ANK3: variants seen among roughly 807,000 people sequenced by gnomAD.
The protein encoded by ANK3 is ankyrin-3.
In ANK3, 57 loss-of-function variants were observed where a neutral mutation model predicts 370.9. The ratio of observed to expected loss-of-function variants is 0.15; its 90% CI spans 0.12 to 0.19. The LOEUF (loss-of-function observed/expected upper bound fraction) is 0.19. ANK3 is among the 10% of genes least tolerant of loss of function. The probability of loss-of-function intolerance (pLI) is 1.00; values close to 1 mark genes in which losing one functional copy is unlikely to be tolerated. For missense variants in ANK3, 4,439 were observed against 5,302.1 expected, an observed-to-expected ratio of 0.84 and a Z score of 5.06; for synonymous variants, 1,929 against 1,946.3, an observed-to-expected ratio of 0.99 and a Z score of 0.23.
At chr10:60,333,773 A>T (rs1313491999) in intron 1 of ANK3, among the ~76,000 whole-genome samples, 1 of 152,176 alleles carries the variant, frequency 6.6e-6, no homozygotes, top group East Asian at 1.9e-4. Context: ...ACAGTGTAAA[A>T]GTGTTCCTAT....
intron 1 of ANK3, among the ~76,000 whole-genome samples, chr10:60,648,210 T>A (rs1588969410): frequency 7.1e-6 from 1 of 140,914 alleles, no homozygotes; most frequent in Admixed American, 7.5e-5. Flanking sequence ...TGGAGTGCCA[T>A]GGCACCATCT....
chr10:60,405,122 T>G (rs2132913314), intron 2 of ANK3, among the ~76,000 whole-genome samples: 1 of 152,322 alleles, frequency 6.6e-6, no homozygotes, highest in South Asian at 2.1e-4. Context: ...TTTGGCAGTT[T>G]CTTATAAAAT....
intron 16 of ANK3, among the ~76,000 whole-genome samples, chr10:60,191,147 A>C (rs146604237): frequency 6.6e-6 from 1 of 152,218 alleles, no homozygotes. Flanking sequence ...AGAAACCATA[A>C]GAAAAACTCT....
intron 23 of ANK3, among the ~76,000 whole-genome samples, chr10:60,153,046 G>T (rs2095204708): frequency 6.6e-6 from 1 of 152,176 alleles, no homozygotes; most frequent in Non-Finnish European, 1.5e-5. Context: ...TGTAACAACA[G>T]TTCAAACTTG....
chr10:60,116,219 C>T (rs1292740135), intron 25 of ANK3, among the ~76,000 whole-genome samples: 2 of 152,082 alleles, frequency 1.3e-5, no homozygotes, highest in African/African-American at 4.8e-5. Flanking sequence ...CAGAATCGCA[C>T]CCTTCCTTTA....
chr10:60,360,868 T>C (rs945988851), intron 1 of ANK3, among the ~76,000 whole-genome samples: 68 of 152,110 alleles, frequency 4.5e-4, no homozygotes, highest in Admixed American at 1.6e-3. Context: ...AACAATTATA[T>C]TTCTTGATTT....
intron 2 of ANK3, among the ~76,000 whole-genome samples, chr10:60,424,363 C>G (rs950233169): frequency 6.6e-6 from 1 of 151,912 alleles, no homozygotes; most frequent in African/African-American, 2.4e-5. Context: ...AAAAAAATAC[C>G]AATCAAGTCT....
At position 60,279,634 on chromosome 10, in the gene ANK3, A is replaced by C. The variant is rs1199746614; in HGVS notation, c.120T>G (p.Asp40Glu). The change falls in exon 2 of 44, where the codon GAT becomes GAG. Residue 40 changes from aspartate to glutamate, a missense_variant. This residue lies in a region of ANK3 where 54 missense variants were observed against 52.7 expected (regional missense o/e 1.02). Transcript: ENST00000280772. ...KRSRDRKKKS[D>E]ANASYLRAAR... The stretch of plus-strand genomic sequence containing the variant: ...CTGCTCTTAAGTAACTTGCATTGGC[A>C]TCAGACTAAAATAAAAAAGAAACAC... 6.2e-7 allele frequency: 1 copy of C among 1,610,002 alleles called. No homozygotes were observed.
rs540440633 is a variant in ANK3, at chr10:60,661,501, C to T, written c.58-46277G>A. On this transcript the variant is annotated intron_variant, in intron 1 of 43. Coordinates refer to the ANK3 transcript ENST00000373827. ...GCCCTTCTAGTTTCCTTTTCTTTAGCCTATACAAACTTCATTGTTTTTACC... is the reference window on the plus strand; with the variant it reads ...GCCCTTCTAGTTTCCTTTTCTTTAGTCTATACAAACTTCATTGTTTTTACC... Among the ~76,000 whole-genome samples, 7 of 152,212 alleles carry T rather than the reference C, an allele frequency of 4.6e-5. No individual in the cohort carries two copies. The South Asian group carries it at 6.2e-4, about 14-fold the overall frequency.
At chr10:60,553,404 A>G (rs1294819243) in intron 2 of ANK3, among the ~76,000 whole-genome samples, 1 of 152,192 alleles carries the variant, frequency 6.6e-6, no homozygotes, top group Non-Finnish European at 1.5e-5. Context: ...AGGGATCCAG[A>G]AAATATTAAT....
intron 23 of ANK3, among the ~76,000 whole-genome samples, chr10:60,141,187 C>T (rs759787404): frequency 9.2e-5 from 14 of 152,244 alleles, no homozygotes; most frequent in Middle Eastern, 3.4e-3. Context: ...ATTGCCGCTG[C>T]TTTTTATCAG....
intron 1 of ANK3, among the ~76,000 whole-genome samples, chr10:60,690,838 C>T (rs1313106391): frequency 6.6e-6 from 1 of 152,152 alleles, no homozygotes; most frequent in Non-Finnish European, 1.5e-5. Context: ...AGCTTTGGGG[C>T]TACAGCATCG....
intron 1 of ANK3, among the ~76,000 whole-genome samples, chr10:60,369,141 G>T (rs1430700574): frequency 6.6e-6 from 1 of 152,038 alleles, no homozygotes; most frequent in African/African-American, 2.4e-5. Flanking sequence ...CAAGATCTAA[G>T]CACAGAGTTC....
chr10:60,256,739 T>C (rs1017098927), intron 7 of ANK3, among the ~76,000 whole-genome samples: 2 of 152,198 alleles, frequency 1.3e-5, no homozygotes, highest in Non-Finnish European at 2.9e-5. Flanking sequence ...TTCCTGTTCC[T>C]GCATTAATTT....
chr10:60,446,714 C>A (rs1395049176), intron 2 of ANK3, among the ~76,000 whole-genome samples: 1 of 152,132 alleles, frequency 6.6e-6, no homozygotes, highest in East Asian at 1.9e-4. Flanking sequence ...GGAGCTCCAA[C>A]TTAAAAAGTT....
intron 2 of ANK3, among the ~76,000 whole-genome samples, chr10:60,524,160 C>G (rs1021538992): frequency 1.3e-5 from 2 of 152,112 alleles, no homozygotes; most frequent in Non-Finnish European, 2.9e-5. Context: ...GAGTTACAGA[C>G]TCCTGATAAT....
intron 2 of ANK3, among the ~76,000 whole-genome samples, chr10:60,611,438 G>A (rs1406665360): frequency 1.3e-5 from 2 of 152,158 alleles, no homozygotes; most frequent in Non-Finnish European, 2.9e-5. Context: ...GCCTCGCACT[G>A]GAATAGTGGT....
chr10:60,209,229 A>G (rs781077383), intron 9 of ANK3, among the ~76,000 whole-genome samples: 15 of 152,218 alleles, frequency 9.9e-5, no homozygotes, highest in African/African-American at 3.4e-4. Context: ...ATTAGGGAAA[A>G]GTAATTTGAC....
intron 2 of ANK3, among the ~76,000 whole-genome samples, chr10:60,608,589 G>C (rs962912517): frequency 5.3e-5 from 8 of 152,168 alleles, no homozygotes; most frequent in African/African-American, 1.9e-4. Flanking sequence ...AGGCATCTGA[G>C]ACTTTCTAGA....
Sources: gnomAD v4.1 joint callset for allele counts (sites outside exome capture counted in the v4.1 genomes callset) on GRCh38, gnomAD v4.1.1 for gene constraint, gnomAD v4.1.1 regional missense constraint, MANE v1.5 for transcripts, NCBI Gene and HGNC (gene_info 2026-07-23, HGNC 2026-07-21) for gene names.